The following TESC variants were observed in gnomAD, a reference collection of about 807,000 sequenced individuals.
TESC encodes the protein calcineurin B homologous protein 3.
A neutral mutation model predicts 31.0 loss-of-function variants in TESC; 19 were observed. The observed-to-expected ratio is 0.61, with a 90% CI of 0.43 to 0.90. The LOEUF is 0.90. Ranked by LOEUF, TESC falls within the 40% of genes least tolerant of loss-of-function variation. The pLI, the probability that TESC is intolerant of heterozygous loss-of-function variation, is 0.00. For missense variants in TESC, 248 were observed against 303.8 expected, an observed-to-expected ratio of 0.82 and a Z score of 1.36; for synonymous variants, 109 against 114.8, an observed-to-expected ratio of 0.95 and a Z score of 0.32.
chr12:117,059,160 T>C (rs1008183387), intron 2 of TESC, among the ~76,000 whole-genome samples: 3 of 152,194 alleles, frequency 2.0e-5, no homozygotes, highest in Non-Finnish European at 1.5e-5. Context: ...GACAGACAGA[T>C]GCTGGAGAGG....
chr12:117,056,487 C>T (rs75671817), intron 3 of TESC, among the ~76,000 whole-genome samples: 3,450 of 152,290 alleles, frequency 0.023, 69 homozygotes, highest in African/African-American at 0.054. Flanking sequence ...ATCCTCCCAC[C>T]GCAGCCTCCC....
intron 3 of TESC, among the ~76,000 whole-genome samples, chr12:117,049,369 A>G (rs1041745866): frequency 3.3e-5 from 5 of 152,166 alleles, no homozygotes; most frequent in African/African-American, 1.2e-4. Context: ...GCCCTCACGG[A>G]GCTCATCATC....
intron 2 of TESC, among the ~76,000 whole-genome samples, chr12:117,064,768 G>C (rs1954850796): frequency 1.3e-5 from 2 of 152,208 alleles, no homozygotes; most frequent in Non-Finnish European, 2.9e-5. Context: ...AGTGACATTT[G>C]AGCAGAGACC....
intron 7 of TESC, 117 bp downstream of exon 7, chr12:117,041,830 G>T: frequency 9.6e-7 from 1 of 1,038,342 alleles, no homozygotes; most frequent in Non-Finnish European, 1.4e-6. Flanking sequence ...TGAGATGTTG[G>T]TCACCCAGGA....
chr12:117,072,676 G>T (rs1403723914), intron 2 of TESC, among the ~76,000 whole-genome samples: 1 of 152,260 alleles, frequency 6.6e-6, no homozygotes, highest in African/African-American at 2.4e-5. Flanking sequence ...CTGGAAAACT[G>T]TCTTGAGGAC....
At chr12:117,060,138 A>G (rs1954782345) in intron 2 of TESC, among the ~76,000 whole-genome samples, 1 of 152,162 alleles carries the variant, frequency 6.6e-6, no homozygotes, top group Non-Finnish European at 1.5e-5. Context: ...GGCGAATTTT[A>G]TAATATGTGC....
intron 2 of TESC, among the ~76,000 whole-genome samples, chr12:117,065,846 C>T (rs1954871227): frequency 6.6e-6 from 1 of 152,176 alleles, no homozygotes; most frequent in African/African-American, 2.4e-5. Flanking sequence ...CGAACCACCA[C>T]ACTTCAGCTT....
chr12:117,088,196 T>G (rs1199715821), intron 1 of TESC, among the ~76,000 whole-genome samples: 4 of 152,112 alleles, frequency 2.6e-5, no homozygotes, highest in Non-Finnish European at 4.4e-5. Flanking sequence ...AGAGAAAAAT[T>G]TCTCCATTTT....
intron 2 of TESC, among the ~76,000 whole-genome samples, chr12:117,059,931 C>T (rs1183960025): frequency 6.6e-6 from 1 of 152,130 alleles, no homozygotes; most frequent in Non-Finnish European, 1.5e-5. Context: ...ACGGATATAC[C>T]TGGAAGACAT....
chr12:117,081,771 G>A (rs1293743423), intron 1 of TESC, among the ~76,000 whole-genome samples: 2 of 152,020 alleles, frequency 1.3e-5, no homozygotes, highest in Admixed American at 1.3e-4. Flanking sequence ...GGGTGTGGTG[G>A]TGCATGCCTG....
intron 3 of TESC, among the ~76,000 whole-genome samples, chr12:117,056,244 AC>A (rs1954722585): frequency 6.6e-6 from 1 of 152,102 alleles, no homozygotes; most frequent in African/African-American, 2.4e-5. Context: ...TTTAGTAGAA[AC>A]AGGGTTTCAC....
At chr12:117,054,974 G>A (rs939252545) in intron 3 of TESC, among the ~76,000 whole-genome samples, 9 of 151,926 alleles carry the variant, frequency 5.9e-5, no homozygotes, top group Non-Finnish European at 1.0e-4. Context: ...GCTCCATCCC[G>A]GTCACCCAGG....
At chr12:117,066,959 C>G (rs1254201366) in intron 2 of TESC, among the ~76,000 whole-genome samples, 1 of 152,160 alleles carries the variant, frequency 6.6e-6, no homozygotes. Context: ...TAGAAAGCTG[C>G]TTTTTGCCTC....
intron 2 of TESC, among the ~76,000 whole-genome samples, chr12:117,069,588 G>A (rs572967785): frequency 2.0e-5 from 3 of 152,200 alleles, no homozygotes; most frequent in East Asian, 1.9e-4. Context: ...AAGAACCCAC[G>A]CAAAAGTAAG....
chr12:117,079,214 A>T lies in TESC; in HGVS notation c.59-3874T>A, dbSNP rs76325635. ...ACCCCCAAAACACACTGATCTGAAGATAAATAAGATTAGAAATTACAGCTA... is the reference window on the plus strand; with the variant it reads ...ACCCCCAAAACACACTGATCTGAAGTTAAATAAGATTAGAAATTACAGCTA... On this transcript the variant is annotated intron_variant, in intron 1 of 7. Transcript: ENST00000335209. 8.7e-3 allele frequency among the ~76,000 whole-genome samples: 1,329 copies of T among 152,274 alleles called. 19 individuals carry two copies. Among genetic ancestry groups the T allele is most frequent in the African/African-American group, 0.03 (1,231 of 41,540 alleles).
At chr12:117,048,155 G>C (rs1402220889) in intron 4 of TESC, among the ~76,000 whole-genome samples, 3 of 152,162 alleles carry the variant, frequency 2.0e-5, no homozygotes, top group South Asian at 2.1e-4. Flanking sequence ...CTGCCTCCCA[G>C]ACAGACTGTC....
chr12:117,066,169 G>T (rs1954875771), intron 2 of TESC, among the ~76,000 whole-genome samples: 1 of 147,398 alleles, frequency 6.8e-6, no homozygotes, highest in Non-Finnish European at 1.5e-5. Context: ...GGTTCCAGGG[G>T]ATGGCTGTCT....
intron 2 of TESC, among the ~76,000 whole-genome samples, chr12:117,066,864 GAC>G (rs894070042): frequency 4.6e-5 from 7 of 152,222 alleles, no homozygotes; most frequent in African/African-American, 1.7e-4. Context: ...TGTAAGCAAG[GAC>G]CATGTCAGTA....
At chr12:117,092,700 G>A (rs1266779497) in intron 1 of TESC, among the ~76,000 whole-genome samples, 1 of 152,220 alleles carries the variant, frequency 6.6e-6, no homozygotes, top group Non-Finnish European at 1.5e-5. Context: ...GGAGCCTGAG[G>A]TGGGAGGATC....
Sources: gnomAD v4.1 joint callset for allele counts (sites outside exome capture counted in the v4.1 genomes callset) on GRCh38, gnomAD v4.1.1 for gene constraint, MANE v1.5 for transcripts, NCBI Gene and HGNC (gene_info 2026-07-23, HGNC 2026-07-21) for gene names.